Variants in DLGAP1 observed in about 807,000 individuals in gnomAD.
DLGAP1 encodes DLG associated protein 1.
In DLGAP1, 11 loss-of-function variants were observed where a neutral mutation model predicts 90.8. That is an observed-to-expected ratio of 0.12 (90% CI 0.08 to 0.20). DLGAP1 has a LOEUF of 0.20. DLGAP1 is among the 10% of genes least tolerant of loss of function. The pLI is 1.00. For missense variants in DLGAP1, 1,050 were observed against 1,333.8 expected (o/e 0.79, Z 3.31); for synonymous variants, 558 against 540.7 (o/e 1.03, Z -0.44).
chr18:4,213,964 A>G (rs1458378451), intron 1 of DLGAP1, among the ~76,000 whole-genome samples: 2 of 152,112 alleles, frequency 1.3e-5, no homozygotes, highest in African/African-American at 4.8e-5. Context: ...TTTGGCACCA[A>G]AGAGTCTCCT....
chr18:3,634,487 C>T (rs2058629974), intron 7 of DLGAP1, among the ~76,000 whole-genome samples: 1 of 152,104 alleles, frequency 6.6e-6, no homozygotes, highest in Non-Finnish European at 1.5e-5. Flanking sequence ...GATCATCTTG[C>T]TTTTGATTCT....
chr18:3,576,098 G>T (rs755803986), intron 8 of DLGAP1, among the ~76,000 whole-genome samples: 3 of 152,146 alleles, frequency 2.0e-5, no homozygotes, highest in Non-Finnish European at 2.9e-5. Context: ...CGACACTGCG[G>T]CCAGGACTCC....
intron 7 of DLGAP1, among the ~76,000 whole-genome samples, chr18:3,728,300 T>TTATATATATATATATATATATATATA (rs200480157): frequency 2.4e-5 from 3 of 123,644 alleles, no homozygotes; most frequent in African/African-American, 7.0e-5. Flanking sequence ...AACGCAAATG[T>TTATATATATATATATATATATATATA]TATATATATA....
intron 7 of DLGAP1, among the ~76,000 whole-genome samples, chr18:3,650,472 A>G (rs953781999): frequency 6.6e-6 from 1 of 152,226 alleles, no homozygotes; most frequent in Non-Finnish European, 1.5e-5. Context: ...AAAGAAAGAA[A>G]GAAAAAAGAA....
At chr18:4,138,933 C>T (rs769608395) in intron 2 of DLGAP1, among the ~76,000 whole-genome samples, 19 of 152,054 alleles carry the variant, frequency 1.2e-4, no homozygotes, top group Non-Finnish European at 2.7e-4. Context: ...CATACAGTTG[C>T]TCATAGTAGT....
intron 2 of DLGAP1, among the ~76,000 whole-genome samples, chr18:4,102,042 T>C (rs565371463): frequency 6.6e-6 from 1 of 152,238 alleles, no homozygotes; most frequent in African/African-American, 2.4e-5. Flanking sequence ...TTCTGTGTAT[T>C]AAAGGGAGCC....
intron 4 of DLGAP1, among the ~76,000 whole-genome samples, chr18:3,871,050 T>C (rs1470300714): frequency 6.6e-6 from 1 of 152,202 alleles, no homozygotes; most frequent in Non-Finnish European, 1.5e-5. Flanking sequence ...CCCTGTGCCT[T>C]GGCCCCATTG....
intron 10 of DLGAP1, among the ~76,000 whole-genome samples, chr18:3,521,044 G>A (rs900374322): frequency 1.3e-5 from 2 of 152,006 alleles, no homozygotes; most frequent in East Asian, 1.9e-4. Context: ...ATGTAATCCT[G>A]AGCTCACTTC....
In DLGAP1 at chr18:3,977,434, G is replaced by GTGTTTTTTTTTTTTTTTT. The variant is rs1555718019; in HGVS notation, c.-73+27681_-73+27682insAAAAAAAAAAAAAAAACA. Reference sequence around the variant, plus strand: ...AGTTAATGAATTATGTTTATTCTGTGTTTTTTTTTTTTTTTTTTTTGCTGA... The same window carrying GTGTTTTTTTTTTTTTTTT: ...AGTTAATGAATTATGTTTATTCTGTGTGTTTTTTTTTTTTTTTTTTTTTTTTTTTTTTTTTTTTGCTGA... On this transcript the variant is annotated intron_variant, in intron 3 of 12. Coordinates refer to ENST00000315677, the MANE Select transcript of DLGAP1 (RefSeq NM_004746.4). 4.0e-4 allele frequency among the ~76,000 whole-genome samples: 38 copies of GTGTTTTTTTTTTTTTTTT among 95,340 alleles called. 1 individual carries two copies. The highest frequency in any genetic ancestry group is 1.5e-3 in the African/African-American group (36 of 23,974). The allele number at this position is 95,340 out of a possible 152,430, so 62.5% of individuals were successfully genotyped here.
intron 7 of DLGAP1, among the ~76,000 whole-genome samples, chr18:3,626,945 G>A (rs1032915517): frequency 6.6e-6 from 1 of 152,084 alleles, no homozygotes; most frequent in East Asian, 1.9e-4. Context: ...TGTGGTGATG[G>A]TTGTACAACT....
In DLGAP1 at chr18:3,685,917, G is replaced by C. The variant is rs1324452467; in HGVS notation, c.1591+43218C>G. Among the ~76,000 whole-genome samples, 3 of 151,808 alleles carry C rather than the reference G, an allele frequency of 2.0e-5. No individual in the cohort carries two copies. The East Asian group carries it at 5.9e-4, about 30-fold the overall frequency. On this transcript the variant is annotated intron_variant, in intron 7 of 12. Transcript: ENST00000315677. The stretch of plus-strand genomic sequence containing the variant: ...GGCCGGAGGCAGTGGCTCATGCCTG[G>C]AATCCCAGCACTTTGGGAGGCCAAG...
chr18:4,351,895 G>GT (rs1043920273), intron 1 of DLGAP1, among the ~76,000 whole-genome samples: 1 of 152,058 alleles, frequency 6.6e-6, no homozygotes. Flanking sequence ...ACTCAAATGT[G>GT]TTTTTTTCTT....
At chr18:3,527,413 T>G (rs1163323495) in intron 10 of DLGAP1, among the ~76,000 whole-genome samples, 33 of 144,810 alleles carry the variant, frequency 2.3e-4, no homozygotes, top group East Asian at 4.0e-4. Flanking sequence ...TTCCAAACTT[T>G]TTTTTTTTTT....
chr18:3,702,316 G>A (rs34442042), intron 7 of DLGAP1, among the ~76,000 whole-genome samples: 22,713 of 152,222 alleles, frequency 0.15, 2,114 homozygotes, highest in East Asian at 0.41. Context: ...GGCGTAAGCC[G>A]CTCCTGACGT....
intron 2 of DLGAP1, among the ~76,000 whole-genome samples, chr18:4,060,067 T>G (rs1159407157): frequency 3.9e-5 from 6 of 152,224 alleles, no homozygotes; most frequent in African/African-American, 1.4e-4. Context: ...GCTCTGCCAC[T>G]GGAAACAGTA....
intron 5 of DLGAP1, among the ~76,000 whole-genome samples, chr18:3,759,257 CA>C (rs397754258): frequency 0.017 from 1,795 of 105,034 alleles, 32 homozygotes; most frequent in African/African-American, 0.05. Context: ...ATTGCTCTGC[CA>C]AAAAAAAAAA....
intron 7 of DLGAP1, among the ~76,000 whole-genome samples, chr18:3,652,026 T>C (rs1484906954): frequency 6.7e-6 from 1 of 149,580 alleles, no homozygotes; most frequent in Non-Finnish European, 1.5e-5. Context: ...TAGCCGGGCG[T>C]GGTGGCGCGC....
rs141028503 is a variant in DLGAP1, at chr18:3,858,477, C to CATAT, written c.957+20631_957+20634dup. 9.3e-3 allele frequency among the ~76,000 whole-genome samples: 1,375 copies of CATAT among 147,244 alleles called. 24 individuals carry two copies. The highest frequency in any genetic ancestry group is 0.028 in the African/African-American group (1,129 of 39,902). ...TATATCATATACAACAAAAGGGAAA[C>CATAT]ATATATATATATACGTGTATATATA... is the stretch of plus-strand genomic sequence containing the variant. On this transcript the variant is annotated intron_variant, in intron 4 of 12. Transcript: ENST00000315677.
Position 4,075,741 on chromosome 18 carries a change from A to G in DLGAP1, c.-158-70540T>C, listed in dbSNP as rs142143756. On this transcript the variant is annotated intron_variant, in intron 2 of 12. Transcript: ENST00000315677. ...AATAATAACAATAAGTGAGACAACA[A>G]TACATTCAACTTTGGTATTTCTTTC... is the stretch of plus-strand genomic sequence containing the variant. Among the ~76,000 whole-genome samples the G allele has an allele frequency of 1.5e-4, 23 of 152,358 alleles. No homozygotes were observed. In the East Asian group the frequency reaches 3.9e-3, roughly 26 times the overall value.
Sources: allele counts gnomAD v4.1 joint callset (sites outside exome capture counted in the v4.1 genomes callset), GRCh38; gene constraint gnomAD v4.1.1; transcripts MANE v1.5; gene names NCBI Gene and HGNC (gene_info 2026-07-23, HGNC 2026-07-21).